Variants in EFR3A observed in about 807,000 individuals in gnomAD.
EFR3A encodes EFR3 homolog A.
In EFR3A, 76 loss-of-function variants were observed where a neutral mutation model predicts 104.4. The observed-to-expected ratio is 0.73, with a 90% CI of 0.60 to 0.88. EFR3A has a LOEUF of 0.88. Among genes scored for constraint, EFR3A ranks in the 40% least tolerant of loss-of-function variants. The probability of loss-of-function intolerance (pLI) is 0.00; values close to 1 mark genes in which losing one functional copy is unlikely to be tolerated. For missense variants in EFR3A, 985 were observed against 1,012.5 expected (o/e 0.97, Z 0.37); for synonymous variants, 330 against 330.0 (o/e 1.00, Z 0.00).
intron 2 of EFR3A, 61 bp from the exon 3 acceptor site, chr8:131,944,684 A>T: frequency 1.4e-6 from 2 of 1,459,644 alleles, no homozygotes; most frequent in East Asian, 5.0e-5. Flanking sequence ...AGCAGGCAAC[A>T]CTTAAAAATA....
intron 2 of EFR3A, among the ~76,000 whole-genome samples, chr8:131,941,391 TGTAAC>T (rs1334981943): frequency 2.6e-5 from 4 of 152,074 alleles, no homozygotes; most frequent in Non-Finnish European, 5.9e-5. Flanking sequence ...TATTTTAAAA[TGTAAC>T]AAACTGTATA....
chr8:131,924,952 C>T (rs1188498245), intron 1 of EFR3A, among the ~76,000 whole-genome samples: 1 of 151,796 alleles, frequency 6.6e-6, no homozygotes, highest in Non-Finnish European at 1.5e-5. Flanking sequence ...AGGTTTTTTT[C>T]TTTATCTTCC....
chr8:132,010,795 C>T lies in EFR3A; in HGVS notation c.2366C>T (p.Pro789Leu). 1 of 1,612,012 alleles carries T rather than the reference C, an allele frequency of 6.2e-7. No homozygotes were observed. Among genetic ancestry groups the T allele is most frequent in the South Asian group, 1.1e-5 (1 of 90,958 alleles). The stretch of plus-strand genomic sequence containing the variant: ...GTATTTTTGTTCTTTTATAGTCCTC[C>T]TCCCAGTCCATCAGGAACACTGACC... ...AQILELTIRP[P>L]PSPSGTLTIT... is the part of the protein sequence containing the mutation. The change falls in exon 23 of 23, where the codon CCT becomes CTT. Residue 789 changes from proline (P) to leucine (L), a missense_variant. Coordinates refer to ENST00000254624, the MANE Select transcript of EFR3A (RefSeq NM_015137.6).
intron 6 of EFR3A, among the ~76,000 whole-genome samples, chr8:131,955,445 C>T (rs10091182): frequency 0.15 from 23,392 of 152,002 alleles, 2,283 homozygotes; most frequent in East Asian, 0.34. Flanking sequence ...GGTCTCTGGG[C>T]CCTGTGTTCT....
intron 1 of EFR3A, among the ~76,000 whole-genome samples, chr8:131,920,535 G>C (rs1209396719): frequency 2.0e-5 from 3 of 152,180 alleles, no homozygotes; most frequent in Non-Finnish European, 2.9e-5. Flanking sequence ...TAATATGACA[G>C]ATTCTCAAGC....
chr8:131,938,311 C>G (rs1818008427), intron 1 of EFR3A: 1 of 397,672 alleles, frequency 2.5e-6, no homozygotes, highest in Non-Finnish European at 4.4e-6. Flanking sequence ...CATTTCTATA[C>G]TTGAGTAGGT....
At chr8:131,926,457 T>A (rs536891615) in intron 1 of EFR3A, among the ~76,000 whole-genome samples, 2 of 152,134 alleles carry the variant, frequency 1.3e-5, no homozygotes, top group Non-Finnish European at 2.9e-5. Flanking sequence ...TTTCGTGTGG[T>A]CAAAGCTTTA....
chr8:131,952,634 C>T (rs1331316850), intron 5 of EFR3A, among the ~76,000 whole-genome samples: 6 of 152,112 alleles, frequency 3.9e-5, no homozygotes, highest in Admixed American at 1.3e-4. Context: ...GTTAGGCTTG[C>T]CCACTGTGAT....
At chr8:131,981,126 C>T (rs1312737846) in intron 14 of EFR3A, among the ~76,000 whole-genome samples, 6 of 151,548 alleles carry the variant, frequency 4.0e-5, no homozygotes, top group African/African-American at 1.5e-4. Flanking sequence ...TAAATCATTA[C>T]TGATATAATG....
chr8:131,942,497 G>A (rs1356649975), intron 2 of EFR3A, among the ~76,000 whole-genome samples: 1 of 152,004 alleles, frequency 6.6e-6, no homozygotes, highest in Non-Finnish European at 1.5e-5. Context: ...CCCTTGTTTT[G>A]TCATCATGTA....
intron 1 of EFR3A, among the ~76,000 whole-genome samples, chr8:131,914,339 T>G (rs1816652206): frequency 6.6e-6 from 1 of 152,244 alleles, no homozygotes; most frequent in African/African-American, 2.4e-5. Context: ...GCTTCTTTGT[T>G]TGGTCTTCCA....
rs957944345 is a variant in EFR3A at position 132,011,134 on chromosome 8, A to G, written c.*239A>G. 3.4e-6 allele frequency: 4 copies of G among 1,181,482 alleles called. No homozygotes were observed. Among genetic ancestry groups the G allele is most frequent in the Admixed American group, 3.9e-5 (1 of 25,822 alleles). 73.2% of individuals were successfully genotyped at this position (1,181,482 alleles called of 1,614,324 possible). On this transcript the variant is annotated 3_prime_UTR_variant, in exon 23 of 23. Coordinates refer to ENST00000254624, the MANE Select transcript of EFR3A (RefSeq NM_015137.6). Reference sequence around the variant, plus strand: ...CTTTGAGGTTCCTGTTGCCTTTTTAAGTTGAACATGTTTTGGTTTCACTTT... The same window carrying G: ...CTTTGAGGTTCCTGTTGCCTTTTTAGGTTGAACATGTTTTGGTTTCACTTT...
At chr8:131,953,990 T>G (rs1044009063) in intron 6 of EFR3A, 23 bp downstream of exon 6, 1 of 1,506,012 alleles carries the variant, frequency 6.6e-7, no homozygotes, top group Non-Finnish European at 8.9e-7. Context: ...ATATTAGTGT[T>G]GAGACAGTGT....
At chr8:131,996,359 A>C in intron 18 of EFR3A, 47 bp from the exon 19 acceptor site, 1 of 1,183,110 alleles carries the variant, frequency 8.5e-7, no homozygotes, top group South Asian at 1.5e-5. Flanking sequence ...ATGAAAACCA[A>C]CATAACATTT....
intron 1 of EFR3A, among the ~76,000 whole-genome samples, chr8:131,924,823 A>G (rs1454263657): frequency 6.6e-6 from 1 of 152,060 alleles, no homozygotes; most frequent in Admixed American, 6.6e-5. Flanking sequence ...ACATCTTCTA[A>G]GAAGCTTTTC....
At position 131,955,821 on chromosome 8, in the gene EFR3A, C is replaced by G. The variant is rs755832287; in HGVS notation, c.692C>G (p.Ala231Gly). 3 of 1,613,570 alleles carry G rather than the reference C, an allele frequency of 1.9e-6. No individual in the cohort carries two copies. Among genetic ancestry groups the G allele is most frequent in the Non-Finnish European group, 2.5e-6 (3 of 1,179,578 alleles). ...PSATDKEENPAVLAENCFREL... is the reference protein window; with the variant it reads ...PSATDKEENPGVLAENCFREL... ...GCAACTGACAAAGAAGAGAATCCTG[C>G]TGTGCTGGCTGAAAACTGTTTCAGA... The change falls in exon 7 of 23, where the codon GCT becomes GGT. Residue 231 changes from alanine to glycine, a missense_variant. Transcript: ENST00000254624.
chr8:131,987,521 A>G (rs1820946910), intron 17 of EFR3A, 54 bp from the exon 18 acceptor site: 2 of 1,527,326 alleles, frequency 1.3e-6, no homozygotes, highest in Non-Finnish European at 1.8e-6. Flanking sequence ...ATAGTAACTT[A>G]TTTTTGCTCA....
chr8:132,013,287 C>T lies in EFR3A; in HGVS notation c.*2392C>T, dbSNP rs1413481763. The T allele has an allele frequency of 6.6e-6, 1 of 152,410 alleles. No homozygotes were observed. The highest frequency in any genetic ancestry group is 1.5e-5 in the Non-Finnish European group (1 of 67,956). The allele number at this position is 152,410 out of a possible 1,614,324, so 9.4% of individuals were successfully genotyped here. A position where few individuals can be genotyped will look rare whatever the true frequency, so the allele number is the denominator to read the frequency against. ...CTCCTGTACTTGTGTTGTCTGTGAC[C>T]GCTTATAGAGTTTTATTGTTATTGG... On this transcript the variant is annotated 3_prime_UTR_variant, in exon 23 of 23. Coordinates refer to ENST00000254624, the MANE Select transcript of EFR3A (RefSeq NM_015137.6).
intron 18 of EFR3A, among the ~76,000 whole-genome samples, chr8:131,991,826 A>C (rs532783590): frequency 3.2e-4 from 48 of 152,138 alleles, no homozygotes; most frequent in Non-Finnish European, 6.3e-4. Flanking sequence ...TTGGGGGGTG[A>C]GAAGGCAGGT....
Sources: allele counts gnomAD v4.1 joint callset (sites outside exome capture counted in the v4.1 genomes callset), GRCh38; gene constraint gnomAD v4.1.1; transcripts MANE v1.5; gene names NCBI Gene and HGNC (gene_info 2026-07-23, HGNC 2026-07-21).